Variants in EPB42 observed in about 807,000 individuals in gnomAD.
EPB42 encodes the protein erythrocyte membrane protein band 4.2, also known as protein 4.2.
A neutral mutation model predicts 76.9 loss-of-function variants in EPB42; 49 were observed. That is an observed-to-expected ratio of 0.64 (90% CI 0.51 to 0.81). The LOEUF is 0.81. Ranked by LOEUF, EPB42 falls within the 30% of genes least tolerant of loss-of-function variation. The probability of loss-of-function intolerance (pLI) is 0.00; values close to 1 mark genes in which losing one functional copy is unlikely to be tolerated. For synonymous variants in EPB42, 310 were observed against 338.4 expected, an observed-to-expected ratio of 0.92 and a Z score of 0.92; for missense variants, 731 against 867.6, an observed-to-expected ratio of 0.84 and a Z score of 1.98.
chr15:43,222,867 T>C (rs900804621), upstream of EPB42, among the ~76,000 whole-genome samples: 1 of 152,234 alleles, frequency 6.6e-6, no homozygotes, highest in African/African-American at 2.4e-5. Flanking sequence ...AAAACTCTTA[T>C]TAAATTCTTA....
rs1464957475 is a variant in EPB42, at chr15:43,216,338, G to A, written c.126C>T (p.Ile42=). The change falls in exon 2 of 13, where the codon ATC becomes ATT. Residue 42 remains isoleucine, a synonymous_variant. Transcript: ENST00000441366. ...FVRRGQPFTI[I]LYFRAPVRAF... is the part of the protein sequence containing the mutation. ...CACGGACTGGAGCGCGGAAGTACAG[G>A]ATGATGGTGAAGGGCTGCCCCCTCC... 5 of 1,614,238 alleles carry A rather than the reference G, an allele frequency of 3.1e-6. No individual in the cohort carries two copies. The East Asian group carries it at 6.7e-5, about 22-fold the overall frequency.
intron 4 of EPB42, among the ~76,000 whole-genome samples, chr15:43,210,709 G>C (rs986088476): frequency 6.6e-6 from 1 of 152,104 alleles, no homozygotes; most frequent in African/African-American, 2.4e-5. Flanking sequence ...AGCTCTCGGG[G>C]ACCCGTGCTG....
rs1249787859 is a variant in EPB42, at chr15:43,219,944, A to T, written c.10+872T>A. On this transcript the variant is annotated intron_variant, in intron 1 of 12. Coordinates refer to ENST00000441366, the MANE Select transcript of EPB42 (RefSeq NM_001114134.2). The stretch of plus-strand genomic sequence containing the variant: ...CTGGTGACAGAGAGAGACTCCGTTT[A>T]AAAAAAAAAAAAAAAAGGACAATTT... Among the ~76,000 whole-genome samples, 73 of 132,562 alleles carry T rather than the reference A, an allele frequency of 5.5e-4. 4 individuals carry two copies. In the East Asian group the frequency reaches 0.014, roughly 26 times the overall value. The allele number at this position is 132,562 out of a possible 152,430, so 87.0% of individuals were successfully genotyped here. A position where few individuals can be genotyped will look rare whatever the true frequency, so the allele number is the denominator to read the frequency against.
At position 43,210,321 on chromosome 15, in the gene EPB42, A is replaced by G. The variant is rs764677935; in HGVS notation, c.654+14T>C. The G allele has an allele frequency of 7.4e-6, 12 of 1,611,752 alleles. No individual in the cohort carries two copies. In the South Asian group the frequency reaches 1.3e-4, roughly 18 times the overall value. ...CACCCCTGCCCCATTCTGGTTCCCC[A>G]GCCTCTCGCTTACCAAGGCACCCAA... On this transcript the variant is annotated intron_variant, in intron 5 of 12. Coordinates refer to ENST00000441366, the MANE Select transcript of EPB42 (RefSeq NM_001114134.2).
upstream of EPB42, among the ~76,000 whole-genome samples, chr15:43,222,862 T>C (rs1273081960): frequency 6.6e-6 from 1 of 152,226 alleles, no homozygotes; most frequent in Non-Finnish European, 1.5e-5. Context: ...GGATCAAAAC[T>C]CTTATTAAAT....
chr15:43,203,317 G>A, intron 10 of EPB42, 42 bp from the exon 11 acceptor site: 1 of 1,612,944 alleles, frequency 6.2e-7, no homozygotes, highest in Non-Finnish European at 8.5e-7. Context: ...ACAGGTGTAT[G>A]TACCCCAGAA....
At chr15:43,220,791 C>A (rs775127768) in intron 1 of EPB42, 25 bp downstream of exon 1, 2 of 1,613,046 alleles carry the variant, frequency 1.2e-6, no homozygotes, top group African/African-American at 1.3e-5. Flanking sequence ...TCCAGCAAGC[C>A]CTGTCGAGCG....
intron 10 of EPB42, among the ~76,000 whole-genome samples, chr15:43,205,531 C>T (rs1425370342): frequency 2.6e-5 from 4 of 152,154 alleles, no homozygotes; most frequent in Non-Finnish European, 4.4e-5. Flanking sequence ...TCCCCAGTAG[C>T]TGGGATTACA....
rs915840721 is a variant in EPB42, at chr15:43,201,698, C to G, written c.1913+146G>C. On this transcript the variant is annotated intron_variant, in intron 12 of 12. Transcript: ENST00000441366. Reference sequence around the variant, plus strand: ...ATGGTGGTCCTAGGATGAGGGAAGCCACTTGGTAGCCCTAATCCTTTAGTT... The same window carrying G: ...ATGGTGGTCCTAGGATGAGGGAAGCGACTTGGTAGCCCTAATCCTTTAGTT... 100 of 1,257,906 alleles carry G rather than the reference C, an allele frequency of 7.9e-5. No homozygotes were observed. The Admixed American group carries it at 1.7e-3, about 21-fold the overall frequency. The allele number at this position is 1,257,906 out of a possible 1,614,324, so 77.9% of individuals were successfully genotyped here.
upstream of EPB42, among the ~76,000 whole-genome samples, chr15:43,223,283 G>A (rs2042478826): frequency 6.6e-6 from 1 of 152,140 alleles, no homozygotes; most frequent in Admixed American, 6.6e-5. Flanking sequence ...GGGCCACTGT[G>A]CTCCAGCCTG....
At chr15:43,220,693 C>G in intron 1 of EPB42, 123 bp downstream of exon 1, 1 of 1,583,388 alleles carries the variant, frequency 6.3e-7, no homozygotes, top group Non-Finnish European at 8.6e-7. Flanking sequence ...ACCCCCTCCC[C>G]CACCATAGTT....
intron 12 of EPB42, 125 bp from the exon 13 acceptor site, chr15:43,197,589 G>T: frequency 1.8e-6 from 2 of 1,107,220 alleles, no homozygotes; most frequent in East Asian, 2.5e-5. Context: ...TAAGTACCTT[G>T]CTATTAAAAT....
At chr15:43,210,766 C>T (rs2042283090) in intron 4 of EPB42, among the ~76,000 whole-genome samples, 1 of 152,208 alleles carries the variant, frequency 6.6e-6, no homozygotes, top group Non-Finnish European at 1.5e-5. Context: ...TTTAGTGAAC[C>T]CTGACTGTCC....
At chr15:43,207,173 G>A (rs747353876) in intron 9 of EPB42, 26 bp downstream of exon 9, 3 of 1,613,834 alleles carry the variant, frequency 1.9e-6, no homozygotes, top group Non-Finnish European at 2.5e-6. Flanking sequence ...GTACCGAGAA[G>A]CCTGGGGCCC....
intron 4 of EPB42, 148 bp from the exon 5 acceptor site, chr15:43,210,587 A>T (rs2042279457): frequency 2.6e-6 from 2 of 759,866 alleles, no homozygotes; most frequent in Non-Finnish European, 4.5e-6. Context: ...CCCTTGCCTC[A>T]TCCCTCTGAG....
chr15:43,207,138 C>T, intron 9 of EPB42, 61 bp downstream of exon 9: 1 of 1,609,866 alleles, frequency 6.2e-7, no homozygotes, highest in South Asian at 1.1e-5. Context: ...CCAGGCCCAT[C>T]CCTTTCCCTC....
intron 10 of EPB42, among the ~76,000 whole-genome samples, chr15:43,204,968 C>CA (rs201336392): frequency 1.3e-4 from 19 of 141,982 alleles, no homozygotes; most frequent in South Asian, 2.4e-4. Context: ...CCCTCCGCCC[C>CA]CCCCCCAAAA....
In EPB42 at chr15:43,208,239, C is replaced by T. The variant is rs2042235373; in HGVS notation, c.1066G>A (p.Gly356Arg). 3 of 1,613,996 alleles carry T rather than the reference C, an allele frequency of 1.9e-6. No homozygotes were observed. Among genetic ancestry groups the T allele is most frequent in the Admixed American group, 1.7e-5 (1 of 60,018 alleles). Residue 356 changes from glycine (G) to arginine (R), a missense_variant, in exon 8 of 13, where the codon GGA becomes AGA. Coordinates refer to ENST00000441366, the MANE Select transcript of EPB42 (RefSeq NM_001114134.2). ...WQILHPSAPN[G>R]GGVLGSCDLV... ...CACCCCTAGGCTTTACCTCCACCTCCATTAGGAGCACTTGGGTGCAGAATC... is the reference window on the plus strand; with the variant it reads ...CACCCCTAGGCTTTACCTCCACCTCTATTAGGAGCACTTGGGTGCAGAATC...
At position 43,211,429 on chromosome 15, in the gene EPB42, C is replaced by T. The variant is rs1369970629; in HGVS notation, c.536G>A (p.Trp179Ter). 7 of 1,612,526 alleles carry T rather than the reference C, an allele frequency of 4.3e-6. No individual in the cohort carries two copies. Among genetic ancestry groups the T allele is most frequent in the South Asian group, 1.1e-5 (1 of 91,056 alleles). The change falls in exon 4 of 13, where the codon TGG becomes TAG. Residue 179 changes from tryptophan (W) to a stop codon, truncating the protein, a stop_gained. Transcript: ENST00000441366. LOFTEE classifies it high-confidence loss of function. ...GTADCIQAES[W>*]DFGQFEGDVI... ...GGGCCCTGGTACCTGGCCAAAGTCCCAGGACTCTGCCTGGATGCAGTCAGC... is the reference window on the plus strand; with the variant it reads ...GGGCCCTGGTACCTGGCCAAAGTCCTAGGACTCTGCCTGGATGCAGTCAGC...
Sources: allele counts gnomAD v4.1 joint callset (sites outside exome capture counted in the v4.1 genomes callset), GRCh38; gene constraint gnomAD v4.1.1; transcripts MANE v1.5; gene names NCBI Gene and HGNC (gene_info 2026-07-23, HGNC 2026-07-21).